SNW1: variants seen among roughly 807,000 people sequenced by gnomAD.
The protein encoded by SNW1 is SNW domain containing 1.
A neutral mutation model predicts 75.6 loss-of-function variants in SNW1; 9 were observed. The ratio of observed to expected loss-of-function variants is 0.12; its 90% CI spans 0.07 to 0.21. SNW1 has a LOEUF of 0.21. Among genes scored for constraint, SNW1 ranks in the 10% least tolerant of loss-of-function variants. SNW1 has a pLI of 1.00. For synonymous variants in SNW1, 200 were observed against 219.1 expected (o/e 0.91, Z 0.77); for missense variants, 409 against 670.9 (o/e 0.61, Z 4.31).
intron 10 of SNW1, among the ~76,000 whole-genome samples, chr14:77,730,123 T>C (rs937159063): frequency 2.0e-5 from 3 of 152,228 alleles, no homozygotes; most frequent in African/African-American, 7.2e-5. Context: ...GAAATCCACA[T>C]GGTTTGCTTC....
intron 2 of SNW1, among the ~76,000 whole-genome samples, chr14:77,751,832 ACACACACACACAC>A (rs1292337411): frequency 1.4e-4 from 17 of 123,962 alleles, no homozygotes; most frequent in East Asian, 1.1e-3. Context: ...ACACACACAC[ACACACACACACAC>A]CACACACACA....
At chr14:77,732,709 G>A in intron 8 of SNW1, 108 bp from the exon 9 acceptor site, 1 of 681,624 alleles carries the variant, frequency 1.5e-6, no homozygotes, top group East Asian at 2.7e-5. Context: ...CTGTCACCCT[G>A]GCTGGAGGGC....
intron 10 of SNW1, among the ~76,000 whole-genome samples, chr14:77,730,437 G>C (rs1172417930): frequency 6.6e-6 from 1 of 151,848 alleles, no homozygotes; most frequent in African/African-American, 2.4e-5. Flanking sequence ...AAATGTACCA[G>C]GTAAGAATTT....
At chr14:77,746,750 A>C (rs773403174) in intron 3 of SNW1, among the ~76,000 whole-genome samples, 15 of 152,240 alleles carry the variant, frequency 9.9e-5, no homozygotes, top group Admixed American at 2.0e-4. Context: ...AAATGTGTTA[A>C]GTAAAATAAA....
chr14:77,747,646 G>A (rs1173488181), intron 3 of SNW1, among the ~76,000 whole-genome samples: 5 of 150,420 alleles, frequency 3.3e-5, no homozygotes, highest in South Asian at 2.1e-4. Flanking sequence ...CCCGGCAGCC[G>A]TCCCATCTGG....
intron 12 of SNW1, among the ~76,000 whole-genome samples, chr14:77,720,233 C>CATAAGCTG (rs11281592): frequency 0.85 from 128,314 of 151,700 alleles, 54,387 homozygotes; most frequent in African/African-American, 0.89. Flanking sequence ...CTTGGCTCAC[C>CATAAGCTG]AAGCAATTCT....
At chr14:77,747,008 A>G (rs1195774196) in intron 3 of SNW1, among the ~76,000 whole-genome samples, 3 of 151,076 alleles carry the variant, frequency 2.0e-5, no homozygotes, top group African/African-American at 7.3e-5. Context: ...GCTCACTGCA[A>G]CCTCCCTGCC....
At chr14:77,738,747 T>C in intron 5 of SNW1, 31 bp downstream of exon 5, 1 of 1,530,714 alleles carries the variant, frequency 6.5e-7, no homozygotes, top group Admixed American at 1.7e-5. Flanking sequence ...AAGTTCAGAA[T>C]GAAACTAAGT....
At chr14:77,736,069 GTC>G in intron 6 of SNW1, 63 bp from the exon 7 acceptor site, 1 of 1,183,914 alleles carries the variant, frequency 8.4e-7, no homozygotes, top group Non-Finnish European at 1.2e-6. Context: ...ATCATATCAA[GTC>G]TCTCCTCCTT....
At chr14:77,737,135 C>T (rs1274519277) in intron 5 of SNW1, 60 bp from the exon 6 acceptor site, 3 of 1,187,024 alleles carry the variant, frequency 2.5e-6, no homozygotes, top group Non-Finnish European at 3.8e-6. Flanking sequence ...TAGGTATTTT[C>T]CTTCTATTAC....
chr14:77,750,556 T>G (rs897387481), intron 3 of SNW1, among the ~76,000 whole-genome samples: 2 of 152,170 alleles, frequency 1.3e-5, no homozygotes, highest in Non-Finnish European at 2.9e-5. Context: ...TTGAAAAAGT[T>G]TGGCGGGGAG....
intron 3 of SNW1, among the ~76,000 whole-genome samples, chr14:77,749,675 G>A (rs1056892417): frequency 3.9e-5 from 6 of 152,190 alleles, no homozygotes; most frequent in Admixed American, 6.5e-5. Flanking sequence ...GCTGACATAC[G>A]ATGATCGCCT....
intron 1 of SNW1, among the ~76,000 whole-genome samples, chr14:77,757,568 T>C (rs187508164): frequency 3.3e-4 from 50 of 152,358 alleles, no homozygotes; most frequent in Non-Finnish European, 5.9e-4. Flanking sequence ...GGCTGTTCCA[T>C]GACTCCTCCA....
intron 1 of SNW1, among the ~76,000 whole-genome samples, chr14:77,755,627 C>T (rs2080837468): frequency 6.6e-6 from 1 of 152,062 alleles, no homozygotes; most frequent in African/African-American, 2.4e-5. Flanking sequence ...CCATGTTGGC[C>T]AGGCTGGTCT....
intron 3 of SNW1, among the ~76,000 whole-genome samples, chr14:77,750,614 C>T (rs930201211): frequency 2.6e-5 from 4 of 151,728 alleles, no homozygotes; most frequent in Non-Finnish European, 4.4e-5. Flanking sequence ...TTTTTCCAAA[C>T]ATCATCAGTT....
At chr14:77,758,414 G>C (rs984744072) in intron 1 of SNW1, among the ~76,000 whole-genome samples, 2 of 151,174 alleles carry the variant, frequency 1.3e-5, no homozygotes, top group Non-Finnish European at 2.9e-5. Flanking sequence ...GCTCCTTGCT[G>C]GGCAGGGCTA....
chr14:77,756,959 A>G (rs1455036037), intron 1 of SNW1, among the ~76,000 whole-genome samples: 1 of 152,236 alleles, frequency 6.6e-6, no homozygotes, highest in Admixed American at 6.5e-5. Flanking sequence ...CTTATTCTTT[A>G]GTCAAGGTAA....
At chr14:77,730,946 G>GCCT (rs2080622720) in intron 10 of SNW1, 42 bp downstream of exon 10, 1 of 1,591,990 alleles carries the variant, frequency 6.3e-7, no homozygotes, top group East Asian at 2.2e-5. Flanking sequence ...GATATATTTT[G>GCCT]TTCACCAAGC....
chr14:77,750,884 G>C (rs1425684942), intron 3 of SNW1, among the ~76,000 whole-genome samples: 5 of 152,100 alleles, frequency 3.3e-5, no homozygotes. Context: ...TTAAATACTT[G>C]TAATAGAGTA....
Sources: gnomAD v4.1 joint callset for allele counts (sites outside exome capture counted in the v4.1 genomes callset) on GRCh38, gnomAD v4.1.1 for gene constraint, MANE v1.5 for transcripts, NCBI Gene and HGNC (gene_info 2026-07-23, HGNC 2026-07-21) for gene names.